CNN1: variants seen among roughly 807,000 people sequenced by gnomAD.
CNN1 encodes calponin-1.
CNN1 carries 21 observed loss-of-function variants against 35.3 expected under a neutral mutation model. That is an observed-to-expected ratio of 0.60 (90% CI 0.42 to 0.86). The LOEUF (loss-of-function observed/expected upper bound fraction) is 0.86, where lower values mean the gene tolerates loss of function less well. Among genes scored for constraint, CNN1 ranks in the 40% least tolerant of loss-of-function variants. The pLI is 0.00. For missense variants in CNN1, 314 were observed against 400.8 expected (o/e 0.78, Z 1.85); for synonymous variants, 164 against 161.8 (o/e 1.01, Z -0.10).
Position 11,549,894 on chromosome 19 carries a change from C to A in CNN1, c.*99C>A, listed in dbSNP as rs138581507. 3 of 1,478,818 alleles carry A rather than the reference C, an allele frequency of 2.0e-6. No individual in the cohort carries two copies. In the African/African-American group the frequency reaches 4.2e-5, roughly 21 times the overall value. 91.6% of individuals were successfully genotyped at this position (1,478,818 alleles called of 1,614,324 possible). ...CCGACCCCCTCTCCCTGCATGGCAT[C>A]CTCCAGCCCCTGTAGAACTCAACCT... is the stretch of plus-strand genomic sequence containing the variant. On this transcript the variant is annotated 3_prime_UTR_variant, in exon 7 of 7. Coordinates refer to ENST00000252456, the MANE Select transcript of CNN1 (RefSeq NM_001299.6). The surrounding 1 kb of genome is among the most constrained non-coding windows in gnomAD (Gnocchi z 5.2).
rs1309320891 is a variant in CNN1, at chr19:11,541,160, T to G, written c.148T>G (p.Phe50Val). The G allele has an allele frequency of 6.2e-7, 1 of 1,602,706 alleles. No homozygotes were observed. Among genetic ancestry groups the G allele is most frequent in the South Asian group, 1.1e-5 (1 of 90,030 alleles). ...GVTGRRIGNN[F>V]MDGLKDGIIL... Reference sequence around the variant, plus strand: ...GACAGGCCGTCGCATCGGCAACAACTTCATGGACGGCCTCAAAGATGGCAT... The same window carrying G: ...GACAGGCCGTCGCATCGGCAACAACGTCATGGACGGCCTCAAAGATGGCAT... Residue 50 changes from phenylalanine to valine, a missense_variant, in exon 2 of 7, where the codon TTC becomes GTC. Transcript: ENST00000252456.
chr19:11,539,814 G>A, intron 1 of CNN1: 1 of 1,180,910 alleles, frequency 8.5e-7, no homozygotes, highest in Non-Finnish European at 1.1e-6. Context: ...CTGGAGGAGG[G>A]GGCTGGTGGG....
At chr19:11,548,041 T>C in intron 5 of CNN1, 134 bp downstream of exon 5, 1 of 574,228 alleles carries the variant, frequency 1.7e-6, no homozygotes, top group Non-Finnish European at 2.9e-6. Flanking sequence ...TCATCTTCCA[T>C]TCACAAACTC....
intron 2 of CNN1, among the ~76,000 whole-genome samples, chr19:11,545,301 C>T (rs1189998209): frequency 6.6e-6 from 1 of 151,720 alleles, no homozygotes; most frequent in Non-Finnish European, 1.5e-5. Context: ...AGGAAACAGA[C>T]TCTGGTGGCT....
Position 11,549,706 on chromosome 19 carries a change from G to A in CNN1, c.805G>A (p.Asp269Asn), listed in dbSNP as rs143189142. 19 of 1,614,078 alleles carry A rather than the reference G, an allele frequency of 1.2e-5. No homozygotes were observed. The highest frequency in any genetic ancestry group is 4.5e-5 in the East Asian group (2 of 44,894). The change falls in exon 7 of 7, where the codon GAC becomes AAC. Residue 269 changes from aspartate to asparagine, a missense_variant. Physicochemically the swap from Asp to Asn is conservative, Grantham distance 23. Coordinates refer to ENST00000252456, the MANE Select transcript of CNN1 (RefSeq NM_001299.6). The surrounding 1 kb of genome is among the most constrained non-coding windows in gnomAD (Gnocchi z 5.2). ...TVYGLPRQVYDPKYCLTPEYP... is the reference protein window; with the variant it reads ...TVYGLPRQVYNPKYCLTPEYP... Reference sequence around the variant, plus strand: ...GTATGGGCTGCCACGCCAGGTCTACGACCCCAAGTACTGTCTGACTCCCGA... The same window carrying A: ...GTATGGGCTGCCACGCCAGGTCTACAACCCCAAGTACTGTCTGACTCCCGA...
intron 1 of CNN1, chr19:11,539,901 G>A: frequency 8.8e-7 from 1 of 1,139,990 alleles, no homozygotes; most frequent in Non-Finnish European, 1.1e-6. Context: ...GCCGCGCAGA[G>A]CCGCGCAGAG....
At chr19:11,542,890 G>A (rs1301531337) in intron 2 of CNN1, among the ~76,000 whole-genome samples, 1 of 152,146 alleles carries the variant, frequency 6.6e-6, no homozygotes, top group Admixed American at 6.6e-5. Flanking sequence ...CAATCTTAAT[G>A]CATAGCAGGG....
intron 1 of CNN1, chr19:11,539,569 G>C: frequency 9.8e-7 from 1 of 1,019,482 alleles, no homozygotes; most frequent in Non-Finnish European, 1.3e-6. Flanking sequence ...AGGTAAAGCA[G>C]GTACAGCGCT....
Position 11,550,044 on chromosome 19 carries a change from C to A in CNN1, c.*249C>A, listed in dbSNP as rs537222572. The stretch of plus-strand genomic sequence containing the variant: ...GGTGTCCCCAACAGCGCCCAAAGGA[C>A]GCACTGAGCAACGCTATTCCAGCTG... On this transcript the variant is annotated 3_prime_UTR_variant, in exon 7 of 7. Coordinates refer to ENST00000252456, the MANE Select transcript of CNN1 (RefSeq NM_001299.6). The A allele has an allele frequency of 2.1e-6, 1 of 476,476 alleles. No individual in the cohort carries two copies. Among genetic ancestry groups the A allele is most frequent in the Non-Finnish European group, 3.7e-6 (1 of 273,360 alleles). The allele number at this position is 476,476 out of a possible 1,614,324, so 29.5% of individuals were successfully genotyped here. A position where few individuals can be genotyped will look rare whatever the true frequency, so the allele number is the denominator to read the frequency against.
Position 11,549,955 on chromosome 19 carries a change from G to A in CNN1, c.*160G>A. The A allele has an allele frequency of 8.9e-7, 1 of 1,128,528 alleles. No homozygotes were observed. Among genetic ancestry groups the A allele is most frequent in the Non-Finnish European group, 1.2e-6 (1 of 812,404 alleles). 69.9% of individuals were successfully genotyped at this position (1,128,528 alleles called of 1,614,324 possible). Reference sequence around the variant, plus strand: ...AGAGTTTGGAGAGAGCAGACTGGCGGGGGGCCCATTGGGGGGAAGGGGACC... The same window carrying A: ...AGAGTTTGGAGAGAGCAGACTGGCGAGGGGCCCATTGGGGGGAAGGGGACC... On this transcript the variant is annotated 3_prime_UTR_variant, in exon 7 of 7. Coordinates refer to ENST00000252456, the MANE Select transcript of CNN1 (RefSeq NM_001299.6). This position sits in a 1 kb window ranked among gnomAD's most constrained non-coding sequence, Gnocchi z 5.2.
intron 2 of CNN1, among the ~76,000 whole-genome samples, chr19:11,545,064 G>A (rs140775008): frequency 1.3e-5 from 2 of 152,086 alleles, no homozygotes; most frequent in Non-Finnish European, 2.9e-5. Flanking sequence ...AGCTGGGCAT[G>A]GTAGCAGGCA....
intron 1 of CNN1, chr19:11,539,738 T>C: frequency 3.0e-6 from 3 of 1,003,138 alleles, no homozygotes; most frequent in Non-Finnish European, 4.1e-6. Context: ...CAGGGTGGCT[T>C]TTCCCAGGGT....
chr19:11,539,886 CCAGAGCCGCG>C (rs1422754695), intron 1 of CNN1: 214 of 1,162,578 alleles, frequency 1.8e-4, no homozygotes, highest in South Asian at 1.5e-3. Context: ...AGCGCCGGCC[CCAGAGCCGCG>C]CAGAGCCGCG....
intron 1 of CNN1, chr19:11,539,742 C>T (rs760705784): frequency 3.9e-6 from 4 of 1,033,950 alleles, no homozygotes; most frequent in Non-Finnish European, 5.3e-6. Flanking sequence ...GTGGCTTTTC[C>T]CAGGGTCCCA....
chr19:11,549,262 T>C lies in CNN1; in HGVS notation c.502-61T>C. On this transcript the variant is annotated intron_variant, in intron 5 of 6. Transcript: ENST00000252456. The surrounding 1 kb of genome is among the most constrained non-coding windows in gnomAD (Gnocchi z 5.2). ...GCGCCTCATCCTCTCCCATCAGCTA[T>C]GCCTCATGGCCCATGATGAGGTCTG... is the stretch of plus-strand genomic sequence containing the variant. The C allele has an allele frequency of 1.9e-6, 3 of 1,568,224 alleles. No individual in the cohort carries two copies. The highest frequency in any genetic ancestry group is 2.6e-6 in the Non-Finnish European group (3 of 1,143,808).
intron 1 of CNN1, chr19:11,540,097 G>A (rs1972426731): frequency 9.9e-7 from 1 of 1,014,012 alleles, no homozygotes; most frequent in Non-Finnish European, 1.2e-6. Flanking sequence ...TAGGGGCTGG[G>A]AGCCTGGCTG....
intron 2 of CNN1, among the ~76,000 whole-genome samples, chr19:11,545,663 C>T (rs908589997): frequency 2.0e-5 from 3 of 151,718 alleles, no homozygotes; most frequent in Non-Finnish European, 4.4e-5. Context: ...AAAGTCAAGA[C>T]ACTGAATGAG....
intron 5 of CNN1, among the ~76,000 whole-genome samples, 190 bp downstream of exon 5, chr19:11,548,097 T>C (rs1048280589): frequency 2.6e-5 from 4 of 152,208 alleles, no homozygotes; most frequent in Admixed American, 6.5e-5. Context: ...GTTATCAACA[T>C]ACCCTTTCCG....
chr19:11,547,733 G>T (rs967140362), intron 4 of CNN1, 64 bp from the exon 5 acceptor site: 3 of 1,350,346 alleles, frequency 2.2e-6, no homozygotes, highest in Non-Finnish European at 2.1e-6. Context: ...AAAAAACAGT[G>T]TCCAAGGGGA....
Sources: gnomAD v4.1 joint callset for allele counts (sites outside exome capture counted in the v4.1 genomes callset) on GRCh38, gnomAD v4.1.1 for gene constraint, Gnocchi (gnomAD v3.1) non-coding constraint, MANE v1.5 for transcripts, NCBI Gene and HGNC (gene_info 2026-07-23, HGNC 2026-07-21) for gene names.